NBAS: variants seen among roughly 807,000 people sequenced by gnomAD.
The protein encoded by NBAS is NAG/BC035112 fusion.
A neutral mutation model predicts 302.5 loss-of-function variants in NBAS; 219 were observed. The ratio of observed to expected loss-of-function variants is 0.72; its 90% CI spans 0.65 to 0.81. The LOEUF is 0.81. Ranked by LOEUF, NBAS falls within the 30% of genes least tolerant of loss-of-function variation. NBAS has a pLI of 0.00. For missense variants in NBAS, 2,932 were observed against 2,841.6 expected (o/e 1.03, Z -0.72); for synonymous variants, 1,118 against 1,021.6 (o/e 1.09, Z -1.80).
the NBAS span, among the ~76,000 whole-genome samples, chr2:15,147,617 A>C: frequency 4.0e-5 from 6 of 151,806 alleles, no homozygotes; most frequent in East Asian, 1.2e-3. Flanking sequence ...AAAAAAAATT[A>C]AAAAAAGAGA....
chr2:14,928,911 T>C, the NBAS span, among the ~76,000 whole-genome samples: 1 of 152,174 alleles, frequency 6.6e-6, no homozygotes, highest in Non-Finnish European at 1.5e-5. Context: ...GAGACCTGGA[T>C]TGAAGTATGC....
At chr2:15,348,236 T>C (rs1179172684) in intron 35 of NBAS, among the ~76,000 whole-genome samples, 1 of 152,192 alleles carries the variant, frequency 6.6e-6, no homozygotes, top group African/African-American at 2.4e-5. Context: ...CTAGATCTAT[T>C]ACAATTTGCT....
At chr2:15,229,547 C>T (rs1309835375) in intron 47 of NBAS, among the ~76,000 whole-genome samples, 1 of 151,622 alleles carries the variant, frequency 6.6e-6, no homozygotes, top group Non-Finnish European at 1.5e-5. Flanking sequence ...TTTGGGAGGC[C>T]GACGTGGGTG....
the NBAS span, among the ~76,000 whole-genome samples, chr2:15,150,868 C>A: frequency 6.6e-6 from 1 of 152,174 alleles, no homozygotes; most frequent in East Asian, 1.9e-4. Flanking sequence ...AAGTGCACAT[C>A]TGCTCCTTTA....
chr2:15,454,942 C>T (rs544599589), intron 21 of NBAS, among the ~76,000 whole-genome samples: 5 of 149,716 alleles, frequency 3.3e-5, no homozygotes, highest in South Asian at 4.2e-4. Context: ...CTCACTCTGT[C>T]GTCAAGCTGG....
At chr2:15,185,486 T>G (rs919523375) in intron 50 of NBAS, among the ~76,000 whole-genome samples, 1 of 152,150 alleles carries the variant, frequency 6.6e-6, no homozygotes, top group Non-Finnish European at 1.5e-5. Context: ...CTTACTTTGG[T>G]GGGGATAATG....
At chr2:14,801,180 C>T in the NBAS span, among the ~76,000 whole-genome samples, 1 of 152,166 alleles carries the variant, frequency 6.6e-6, no homozygotes, top group South Asian at 2.1e-4. Context: ...ATTATAATTT[C>T]CATTCATTGG....
the NBAS span, among the ~76,000 whole-genome samples, chr2:15,085,652 A>G: frequency 3.9e-5 from 6 of 152,156 alleles, no homozygotes; most frequent in Non-Finnish European, 8.8e-5. Flanking sequence ...CACCCAAGTC[A>G]GGATAATGGA....
At chr2:15,048,835 G>A in the NBAS span, among the ~76,000 whole-genome samples, 5 of 152,332 alleles carry the variant, frequency 3.3e-5, no homozygotes, top group African/African-American at 1.2e-4. Flanking sequence ...AGCCAAACAA[G>A]ACACTGTCCC....
In NBAS at chr2:15,277,050, C is replaced by A; in HGVS notation, c.5190G>T (p.Glu1730Asp). 5 of 1,613,730 alleles carry A rather than the reference C, an allele frequency of 3.1e-6. No individual in the cohort carries two copies. The highest frequency in any genetic ancestry group is 4.2e-6 in the Non-Finnish European group (5 of 1,179,910). The stretch of plus-strand genomic sequence containing the variant: ...AGGCTTCTGGATCAGTCTTCAAAGT[C>A]TCAAAGAGATGAAGGTCTTGGGCTC... ...ENRAQDLHLF[E>D]TLKTDPEAFH... Residue 1730 changes from glutamate to aspartate, a missense_variant, in exon 43 of 52, where the codon GAG (glutamate) becomes GAT (aspartate). Physicochemically the swap from Glu to Asp is conservative, Grantham distance 45 (BLOSUM62 2). Coordinates refer to ENST00000281513, the MANE Select transcript of NBAS (RefSeq NM_015909.4).
At chr2:15,532,482 C>G (rs185967233) in intron 9 of NBAS, among the ~76,000 whole-genome samples, 1,360 of 133,820 alleles carry the variant, frequency 0.01, 14 homozygotes, top group African/African-American at 0.035. Flanking sequence ...GAGTGAGACT[C>G]CATCTCAAAA....
the NBAS span, among the ~76,000 whole-genome samples, chr2:14,983,501 C>T: frequency 1.3e-5 from 2 of 152,144 alleles, no homozygotes; most frequent in Non-Finnish European, 2.9e-5. Flanking sequence ...TCCGTTAATA[C>T]GTTTGCAATA....
At chr2:15,334,370 C>G (rs534261628) in intron 35 of NBAS, among the ~76,000 whole-genome samples, 1 of 151,736 alleles carries the variant, frequency 6.6e-6, no homozygotes, top group African/African-American at 2.4e-5. Flanking sequence ...TTGTATTTTT[C>G]GTAGAGATGG....
chr2:15,448,374 G>T (rs1244372285), intron 21 of NBAS, among the ~76,000 whole-genome samples: 1 of 152,134 alleles, frequency 6.6e-6, no homozygotes, highest in Non-Finnish European at 1.5e-5. Flanking sequence ...TAGCAACTGT[G>T]CTAGATGATG....
At chr2:14,994,347 A>G in the NBAS span, among the ~76,000 whole-genome samples, 1 of 152,198 alleles carries the variant, frequency 6.6e-6, no homozygotes, top group East Asian at 1.9e-4. Context: ...AAGATGAGAG[A>G]GGAGGAGGTA....
intron 35 of NBAS, among the ~76,000 whole-genome samples, chr2:15,335,471 C>T (rs528441502): frequency 4.4e-4 from 67 of 152,306 alleles, no homozygotes; most frequent in African/African-American, 1.5e-3. Context: ...GTTCTGGTTG[C>T]TCCACATCCA....
chr2:15,004,492 A>G, the NBAS span, among the ~76,000 whole-genome samples: 1 of 152,084 alleles, frequency 6.6e-6, no homozygotes, highest in African/African-American at 2.4e-5. Flanking sequence ...CCAAACGGTG[A>G]GTGAGGAAAG....
intron 50 of NBAS, among the ~76,000 whole-genome samples, chr2:15,186,075 CAT>C (rs200630490): frequency 5.1e-5 from 7 of 136,038 alleles, no homozygotes; most frequent in East Asian, 2.1e-4. Context: ...TCCATACATA[CAT>C]ATATATATAC....
chr2:14,967,433 A>T, the NBAS span, among the ~76,000 whole-genome samples: 11 of 152,242 alleles, frequency 7.2e-5, no homozygotes, highest in Admixed American at 3.9e-4. Context: ...CCACTGGCAT[A>T]AAGATAGACA....
Sources: gnomAD v4.1 joint callset for allele counts (sites outside exome capture counted in the v4.1 genomes callset) on GRCh38, gnomAD v4.1.1 for gene constraint, MANE v1.5 for transcripts, NCBI Gene and HGNC (gene_info 2026-07-23, HGNC 2026-07-21) for gene names.